The following IQCM variants were observed in gnomAD, a reference collection of about 807,000 sequenced individuals.
IQCM encodes IQ domain-containing protein M.
Under a neutral mutation model 57.6 loss-of-function variants are expected in IQCM, and 45 were observed. The ratio of observed to expected loss-of-function variants is 0.78; its 90% CI spans 0.62 to 1.00. The LOEUF is 1.00. Among genes scored for constraint, IQCM ranks in the 50% least tolerant of loss-of-function variants. The pLI is 0.00. For missense variants in IQCM, 468 were observed against 511.6 expected (o/e 0.91, Z 0.82); for synonymous variants, 148 against 158.9 (o/e 0.93, Z 0.51).
intron 7 of IQCM, among the ~76,000 whole-genome samples, chr4:149,635,763 G>C (rs1757665704): frequency 6.6e-6 from 1 of 151,902 alleles, no homozygotes; most frequent in Non-Finnish European, 1.5e-5. Flanking sequence ...AGAATATATT[G>C]ATAATCTGAT....
chr4:149,812,415 T>C (rs888203482), intron 2 of IQCM, among the ~76,000 whole-genome samples: 1 of 151,532 alleles, frequency 6.6e-6, no homozygotes. Context: ...AGAAACCTCA[T>C]GCTAAATTTC....
chr4:149,510,864 T>C lies in IQCM; in HGVS notation c.1228+37591A>G, dbSNP rs555251824. ...CCTGCTATCCACACAACATCACTGA[T>C]GGTAGTAACCTTGATCATTTAGCCA... On this transcript the variant is annotated intron_variant, in intron 12 of 13. Transcript: ENST00000636793. Among the ~76,000 whole-genome samples, 14 of 152,368 alleles carry C rather than the reference T, an allele frequency of 9.2e-5. No homozygotes were observed. The East Asian group carries it at 2.1e-3, about 23-fold the overall frequency.
intron 12 of IQCM, among the ~76,000 whole-genome samples, chr4:149,509,327 G>A (rs1744165030): frequency 6.6e-6 from 1 of 151,850 alleles, no homozygotes; most frequent in Admixed American, 6.6e-5. Flanking sequence ...GCCCAGGCTG[G>A]GGTGCAGTGA....
At chr4:149,733,720 A>T (rs1183393454) in intron 4 of IQCM, among the ~76,000 whole-genome samples, 2 of 152,152 alleles carry the variant, frequency 1.3e-5, no homozygotes, top group Non-Finnish European at 2.9e-5. Flanking sequence ...ACTCTCTAAA[A>T]GTCCTTCACA....
chr4:149,659,214 G>A (rs894016184), intron 7 of IQCM, among the ~76,000 whole-genome samples: 1 of 151,908 alleles, frequency 6.6e-6, no homozygotes, highest in African/African-American at 2.4e-5. Context: ...GCCAAATCAT[G>A]AGTGAACTCC....
At chr4:149,420,304 A>T (rs887784290) in intron 13 of IQCM, among the ~76,000 whole-genome samples, 6 of 152,168 alleles carry the variant, frequency 3.9e-5, no homozygotes, top group African/African-American at 1.4e-4. Flanking sequence ...ATAGAATACT[A>T]TGCAGCCACA....
chr4:149,579,426 G>A (rs776219804), intron 9 of IQCM, among the ~76,000 whole-genome samples: 1 of 151,818 alleles, frequency 6.6e-6, no homozygotes, highest in Non-Finnish European at 1.5e-5. Context: ...ACAGTAACTG[G>A]TTATTTTGTG....
chr4:149,408,158 C>T (rs143495449), intron 13 of IQCM, among the ~76,000 whole-genome samples: 1 of 152,056 alleles, frequency 6.6e-6, no homozygotes, highest in Admixed American at 6.6e-5. Flanking sequence ...TAAATTTATA[C>T]AATTACAAAT....
chr4:149,723,770 C>T (rs752905478), intron 5 of IQCM, among the ~76,000 whole-genome samples: 18 of 152,020 alleles, frequency 1.2e-4, no homozygotes, highest in South Asian at 6.2e-4. Context: ...ATTTCCTTTC[C>T]TGGCTTTGGT....
At chr4:149,391,480 T>C (rs1318072505) in intron 13 of IQCM, among the ~76,000 whole-genome samples, 1 of 151,914 alleles carries the variant, frequency 6.6e-6, no homozygotes, top group Admixed American at 6.6e-5. Flanking sequence ...TTCTATTATT[T>C]ATCTCATTTA....
At chr4:149,463,496 T>C (rs1738525148) in intron 12 of IQCM, among the ~76,000 whole-genome samples, 1 of 152,208 alleles carries the variant, frequency 6.6e-6, no homozygotes, top group African/African-American at 2.4e-5. Context: ...CAGGTCGTTT[T>C]CTATTCAAAC....
intron 6 of IQCM, among the ~76,000 whole-genome samples, 192 bp from the exon 7 acceptor site, chr4:149,682,398 T>C (rs1362648357): frequency 6.6e-6 from 1 of 151,120 alleles, no homozygotes; most frequent in East Asian, 1.9e-4. Flanking sequence ...TACTACGAAA[T>C]TTTGCTGGTT....
At chr4:149,594,588 C>T (rs1312747688) in intron 8 of IQCM, among the ~76,000 whole-genome samples, 1 of 152,168 alleles carries the variant, frequency 6.6e-6, no homozygotes, top group East Asian at 1.9e-4. Context: ...CCCTTGTGGG[C>T]ATTTAGTGCT....
intron 12 of IQCM, among the ~76,000 whole-genome samples, chr4:149,504,152 A>C (rs1236287719): frequency 6.6e-6 from 1 of 152,184 alleles, no homozygotes; most frequent in Non-Finnish European, 1.5e-5. Context: ...AGATGGCCAG[A>C]GTGAAAAGAA....
intron 1 of IQCM, 126 bp from the exon 2 acceptor site, chr4:149,815,474 A>C (rs1467264866): frequency 6.6e-6 from 1 of 152,022 alleles, no homozygotes; most frequent in Non-Finnish European, 1.5e-5. Flanking sequence ...AATCCTAAGA[A>C]AACTTATTTC....
chr4:149,725,320 G>T (rs980931481), intron 5 of IQCM, among the ~76,000 whole-genome samples: 3 of 152,076 alleles, frequency 2.0e-5, no homozygotes, highest in Non-Finnish European at 4.4e-5. Context: ...ATCAAGTTCT[G>T]GGATTAATGC....
chr4:149,644,713 C>G (rs1288224959), intron 7 of IQCM, among the ~76,000 whole-genome samples: 1 of 152,172 alleles, frequency 6.6e-6, no homozygotes, highest in Admixed American at 6.5e-5. Flanking sequence ...CACGGATTAG[C>G]AGAACCTTCA....
intron 13 of IQCM, among the ~76,000 whole-genome samples, chr4:149,370,620 A>G (rs189685525): frequency 3.4e-4 from 52 of 152,142 alleles, no homozygotes; most frequent in African/African-American, 1.1e-3. Flanking sequence ...TGGGTTTTGT[A>G]AAAAGAGTGT....
At chr4:149,684,245 A>G (rs1042613923) in intron 6 of IQCM, among the ~76,000 whole-genome samples, 7 of 151,336 alleles carry the variant, frequency 4.6e-5, no homozygotes, top group African/African-American at 1.7e-4. Context: ...TGAAATTGTA[A>G]CAGTATTCAA....
Sources: gnomAD v4.1 joint callset for allele counts (sites outside exome capture counted in the v4.1 genomes callset) on GRCh38, gnomAD v4.1.1 for gene constraint, MANE v1.5 for transcripts, NCBI Gene and HGNC (gene_info 2026-07-23, HGNC 2026-07-21) for gene names.